Variants in UBE2E2 observed in about 807,000 individuals in gnomAD.
The protein encoded by UBE2E2 is ubiquitin-conjugating enzyme E2 E2.
Under a neutral mutation model 24.7 loss-of-function variants are expected in UBE2E2, and 6 were observed. The observed-to-expected ratio is 0.24, with a 90% CI of 0.13 to 0.48. The LOEUF is 0.48. UBE2E2 is among the 20% of genes least tolerant of loss of function. The probability of loss-of-function intolerance (pLI) is 0.99; values close to 1 mark genes in which losing one functional copy is unlikely to be tolerated. For synonymous variants in UBE2E2, 104 were observed against 83.6 expected, an observed-to-expected ratio of 1.24 and a Z score of -1.33; for missense variants, 169 against 245.0, an observed-to-expected ratio of 0.69 and a Z score of 2.07.
intron 5 of UBE2E2, among the ~76,000 whole-genome samples, chr3:23,565,098 T>C (rs1343433185): frequency 6.6e-6 from 1 of 152,194 alleles, no homozygotes; most frequent in African/African-American, 2.4e-5. Flanking sequence ...GACACGCTTT[T>C]GTTCCCATTA....
At chr3:23,302,056 T>C (rs1575545644) in intron 3 of UBE2E2, among the ~76,000 whole-genome samples, 2 of 152,302 alleles carry the variant, frequency 1.3e-5, no homozygotes, top group Admixed American at 1.3e-4. Context: ...TATTTCTCCT[T>C]GTCAGTATAG....
intron 3 of UBE2E2, among the ~76,000 whole-genome samples, chr3:23,327,891 C>T (rs979550512): frequency 2.6e-5 from 4 of 152,114 alleles, no homozygotes; most frequent in African/African-American, 9.7e-5. Context: ...TTCTAGATTT[C>T]TGTCAATCTC....
intron 4 of UBE2E2, among the ~76,000 whole-genome samples, chr3:23,518,966 C>T (rs544597700): frequency 3.9e-5 from 6 of 152,162 alleles, no homozygotes; most frequent in Non-Finnish European, 5.9e-5. Context: ...AATTTGAGAA[C>T]GAACATCATA....
chr3:23,240,049 T>C (rs1287888228), intron 3 of UBE2E2, among the ~76,000 whole-genome samples: 3 of 152,188 alleles, frequency 2.0e-5, no homozygotes, highest in African/African-American at 7.2e-5. Flanking sequence ...TAAAGGAGCC[T>C]GGTTAAAGTT....
chr3:23,237,643 A>AT (rs1294683866), intron 3 of UBE2E2, among the ~76,000 whole-genome samples: 2 of 152,028 alleles, frequency 1.3e-5, no homozygotes, highest in African/African-American at 4.8e-5. Flanking sequence ...TGGTGAAAAC[A>AT]TTTTTTTCTT....
chr3:23,520,930 A>G (rs1694849123), intron 4 of UBE2E2, among the ~76,000 whole-genome samples: 1 of 152,018 alleles, frequency 6.6e-6, no homozygotes, highest in African/African-American at 2.4e-5. Context: ...GGTGTTAGCC[A>G]CCAAGCCCAG....
intron 3 of UBE2E2, among the ~76,000 whole-genome samples, chr3:23,263,603 G>A (rs948473658): frequency 1.3e-5 from 2 of 152,108 alleles, no homozygotes; most frequent in Non-Finnish European, 2.9e-5. Flanking sequence ...AGGGCCTTTC[G>A]TTTAAGAGCT....
intron 3 of UBE2E2, among the ~76,000 whole-genome samples, chr3:23,260,877 G>GGGC (rs1346651734): frequency 6.6e-6 from 1 of 152,092 alleles, no homozygotes; most frequent in African/African-American, 2.4e-5. Context: ...AGGCTGAGGT[G>GGGC]GGCGGATCAC....
At chr3:23,403,888 T>G (rs1697290274) in intron 3 of UBE2E2, among the ~76,000 whole-genome samples, 1 of 151,926 alleles carries the variant, frequency 6.6e-6, no homozygotes, top group Non-Finnish European at 1.5e-5. Flanking sequence ...ACTTTCTACT[T>G]CAATCCAAGA....
intron 3 of UBE2E2, among the ~76,000 whole-genome samples, chr3:23,341,609 G>A (rs1695389497): frequency 6.6e-6 from 1 of 152,146 alleles, no homozygotes; most frequent in Non-Finnish European, 1.5e-5. Context: ...ATTAAAGGTA[G>A]CATTTTAAAA....
At chr3:23,427,335 C>T (rs2125397090) in intron 3 of UBE2E2, among the ~76,000 whole-genome samples, 1 of 150,870 alleles carries the variant, frequency 6.6e-6, no homozygotes, top group East Asian at 1.9e-4. Flanking sequence ...GAGGCAGAGG[C>T]AGGAAGGTGA....
intron 3 of UBE2E2, among the ~76,000 whole-genome samples, chr3:23,384,109 C>A (rs1029955342): frequency 6.6e-6 from 1 of 152,128 alleles, no homozygotes. Context: ...AATCCTTCCA[C>A]CTTAGCCACC....
At chr3:23,545,263 A>G (rs1334124551) in intron 5 of UBE2E2, among the ~76,000 whole-genome samples, 4 of 152,088 alleles carry the variant, frequency 2.6e-5, no homozygotes, top group Non-Finnish European at 4.4e-5. Flanking sequence ...ACGAGGCCAT[A>G]TTTCAGACTG....
chr3:23,464,625 T>G (rs1698884098), intron 3 of UBE2E2, among the ~76,000 whole-genome samples: 1 of 152,146 alleles, frequency 6.6e-6, no homozygotes, highest in African/African-American at 2.4e-5. Context: ...AAATCAAAAT[T>G]TAATTATGTA....
At chr3:23,483,568 G>A (rs896932280) in intron 3 of UBE2E2, among the ~76,000 whole-genome samples, 2 of 152,292 alleles carry the variant, frequency 1.3e-5, no homozygotes, top group African/African-American at 4.8e-5. Context: ...ATTTTATTAT[G>A]TGTTTCCTAT....
chr3:23,318,509 A>G (rs2125286285), intron 3 of UBE2E2, among the ~76,000 whole-genome samples: 1 of 152,336 alleles, frequency 6.6e-6, no homozygotes, highest in South Asian at 2.1e-4. Flanking sequence ...TGGGTTATTT[A>G]TAAAGAAAAA....
intron 3 of UBE2E2, among the ~76,000 whole-genome samples, chr3:23,316,257 C>T (rs1006829569): frequency 1.7e-4 from 26 of 152,088 alleles, no homozygotes; most frequent in South Asian, 2.1e-4. Context: ...AGCGAGGGCC[C>T]GGAGGTGGAA....
In UBE2E2 at chr3:23,254,910, T is replaced by C. The variant is rs532988783; in HGVS notation, c.227+37598T>C. On this transcript the variant is annotated intron_variant, in intron 3 of 5. Coordinates refer to ENST00000396703, the MANE Select transcript of UBE2E2 (RefSeq NM_152653.4). ...ACTCAGCTTCTTTAAGGCTTTTTTT[T>C]TCCCCCCTTATGTCTCATGATATGT... 2.4e-4 allele frequency among the ~76,000 whole-genome samples: 36 copies of C among 151,952 alleles called. No individual in the cohort carries two copies. In the East Asian group the frequency reaches 5.8e-3, roughly 25 times the overall value.
chr3:23,586,920 T>A (rs950762620), intron 5 of UBE2E2, among the ~76,000 whole-genome samples: 4 of 145,396 alleles, frequency 2.8e-5, no homozygotes, highest in African/African-American at 1.0e-4. Context: ...TTTTTTTTTT[T>A]ACATCATGTG....
Sources: gnomAD v4.1 joint callset for allele counts (sites outside exome capture counted in the v4.1 genomes callset) on GRCh38, gnomAD v4.1.1 for gene constraint, MANE v1.5 for transcripts, NCBI Gene and HGNC (gene_info 2026-07-23, HGNC 2026-07-21) for gene names.